ANKS1B: variants seen among roughly 807,000 people sequenced by gnomAD.
ANKS1B encodes ankyrin repeat and sterile alpha motif domain-containing protein 1B.
In ANKS1B, 36 loss-of-function variants were observed where a neutral mutation model predicts 148.3. The observed-to-expected ratio is 0.24, with a 90% CI of 0.19 to 0.32. ANKS1B has a LOEUF of 0.32. ANKS1B is among the 10% of genes least tolerant of loss of function. The pLI is 1.00. For synonymous variants in ANKS1B, 542 were observed against 560.8 expected (o/e 0.97, Z 0.47); for missense variants, 1,157 against 1,542.6 (o/e 0.75, Z 4.19).
chr12:99,772,154 A>C (rs1274087942), intron 8 of ANKS1B, among the ~76,000 whole-genome samples: 1 of 152,080 alleles, frequency 6.6e-6, no homozygotes, highest in African/African-American at 2.4e-5. Flanking sequence ...TATTCTCTAT[A>C]GTTTTTCTTG....
intron 12 of ANKS1B, 26 bp downstream of exon 12, chr12:99,399,605 C>T (rs2152574028): frequency 6.2e-7 from 1 of 1,602,576 alleles, no homozygotes. Context: ...AATAAAAATA[C>T]AGCTGCATAA....
chr12:98,772,989 T>G, intron 25 of ANKS1B, 53 bp downstream of exon 25: 1 of 1,607,784 alleles, frequency 6.2e-7, no homozygotes, highest in Non-Finnish European at 8.5e-7. Context: ...TTCAATACAG[T>G]CCAGGCCCAT....
At chr12:99,101,681 C>A (rs1050073927) in intron 15 of ANKS1B, among the ~76,000 whole-genome samples, 5 of 152,164 alleles carry the variant, frequency 3.3e-5, no homozygotes, top group African/African-American at 9.7e-5. Flanking sequence ...TGTGCCTCAG[C>A]CTACTGAATA....
chr12:98,785,125 CA>C (rs537710734), intron 22 of ANKS1B, among the ~76,000 whole-genome samples: 123 of 152,204 alleles, frequency 8.1e-4, no homozygotes, highest in African/African-American at 2.1e-3. Flanking sequence ...CAAGAGTTTC[CA>C]AAGAGGTCTT....
intron 10 of ANKS1B, among the ~76,000 whole-genome samples, chr12:99,475,666 T>C (rs1420287084): frequency 6.6e-6 from 1 of 151,504 alleles, no homozygotes; most frequent in Non-Finnish European, 1.5e-5. Flanking sequence ...ACTCATATGG[T>C]AAAATAAATG....
chr12:99,404,943 T>C (rs1265646675), intron 11 of ANKS1B, among the ~76,000 whole-genome samples: 1 of 146,218 alleles, frequency 6.8e-6, no homozygotes, highest in East Asian at 1.9e-4. Context: ...AGCTCCAATA[T>C]GCTTGGCAGC....
intron 14 of ANKS1B, among the ~76,000 whole-genome samples, chr12:99,229,416 C>T (rs2086473112): frequency 6.6e-6 from 1 of 151,646 alleles, no homozygotes; most frequent in Admixed American, 6.6e-5. Flanking sequence ...TTTTTTGCTC[C>T]TGTTCAATTG....
intron 1 of ANKS1B, among the ~76,000 whole-genome samples, chr12:99,941,114 A>C (rs2094908171): frequency 6.6e-6 from 1 of 152,174 alleles, no homozygotes; most frequent in Non-Finnish European, 1.5e-5. Flanking sequence ...AATATTTATT[A>C]AAGGAATAAA....
intron 8 of ANKS1B, among the ~76,000 whole-genome samples, chr12:99,687,065 T>C (rs2098653777): frequency 6.6e-6 from 1 of 152,204 alleles, no homozygotes. Flanking sequence ...TGAAAAGCTT[T>C]TACCCTACCT....
intron 8 of ANKS1B, among the ~76,000 whole-genome samples, chr12:99,709,367 T>C (rs1211154302): frequency 6.6e-6 from 1 of 152,168 alleles, no homozygotes; most frequent in Non-Finnish European, 1.5e-5. Flanking sequence ...GCAGTTGCTC[T>C]GACACCTGAG....
chr12:99,546,959 G>C (rs1204278315), intron 9 of ANKS1B, among the ~76,000 whole-genome samples: 1 of 152,092 alleles, frequency 6.6e-6, no homozygotes, highest in Non-Finnish European at 1.5e-5. Context: ...CAGGGGCAGG[G>C]GGAGGATGAA....
chr12:99,885,193 G>T (rs1303870171), intron 1 of ANKS1B, among the ~76,000 whole-genome samples: 1 of 151,608 alleles, frequency 6.6e-6, no homozygotes, highest in Non-Finnish European at 1.5e-5. Context: ...TGATTTTCAG[G>T]TCTCAGCTTA....
chr12:99,775,694 G>T (rs2063582224), intron 6 of ANKS1B, 33 bp from the exon 7 acceptor site: 3 of 1,203,180 alleles, frequency 2.5e-6, no homozygotes, highest in Admixed American at 2.1e-5. Context: ...TTACATACTT[G>T]AATTCATTTA....
At chr12:99,038,222 C>A (rs1377657246) in intron 17 of ANKS1B, among the ~76,000 whole-genome samples, 1 of 152,220 alleles carries the variant, frequency 6.6e-6, no homozygotes, top group South Asian at 2.1e-4. Context: ...CTAGGTAGTT[C>A]AATTTACCAT....
intron 8 of ANKS1B, among the ~76,000 whole-genome samples, chr12:99,673,224 C>A (rs1165223475): frequency 6.6e-6 from 1 of 152,000 alleles, no homozygotes; most frequent in Admixed American, 6.6e-5. Context: ...CCTGGAAGAA[C>A]TGGAAAATAA....
At chr12:99,802,907 G>T (rs2067129304) in intron 4 of ANKS1B, among the ~76,000 whole-genome samples, 1 of 79,968 alleles carries the variant, frequency 1.3e-5, no homozygotes, top group African/African-American at 6.0e-5. Flanking sequence ...ATAAGACCCT[G>T]CCTTTAAAAA....
intron 17 of ANKS1B, among the ~76,000 whole-genome samples, chr12:98,967,579 GGA>G (rs1196726657): frequency 6.8e-6 from 1 of 146,008 alleles, no homozygotes; most frequent in Non-Finnish European, 1.5e-5. Flanking sequence ...TTGTTTATAT[GGA>G]GAGAGTCCCT....
At chr12:98,940,215 T>C (rs1181040003) in intron 17 of ANKS1B, among the ~76,000 whole-genome samples, 6 of 152,166 alleles carry the variant, frequency 3.9e-5, no homozygotes, top group African/African-American at 1.4e-4. Context: ...CTCTTTCTCC[T>C]CCATGTCTTT....
chr12:99,148,914 T>C (rs1002096944), intron 15 of ANKS1B, among the ~76,000 whole-genome samples: 1 of 152,152 alleles, frequency 6.6e-6, no homozygotes, highest in African/African-American at 2.4e-5. Flanking sequence ...AGCTGTACTT[T>C]CAACATAAGG....
Sources: gnomAD v4.1 joint callset for allele counts (sites outside exome capture counted in the v4.1 genomes callset) on GRCh38, gnomAD v4.1.1 for gene constraint, MANE v1.5 for transcripts, NCBI Gene and HGNC (gene_info 2026-07-23, HGNC 2026-07-21) for gene names.